The following LGALS9C variants were observed in gnomAD, a reference collection of about 807,000 sequenced individuals.
The protein encoded by LGALS9C is galectin-9C.
LGALS9C carries 7 observed loss-of-function variants against 41.3 expected under a neutral mutation model. That is an observed-to-expected ratio of 0.17 (90% CI 0.10 to 0.32). The LOEUF (loss-of-function observed/expected upper bound fraction) is 0.32, where lower values mean the gene tolerates loss of function less well. LGALS9C is among the 10% of genes least tolerant of loss of function. LGALS9C has a pLI of 1.00. For synonymous variants in LGALS9C, 44 were observed against 171.0 expected (o/e 0.26, Z 5.80); for missense variants, 102 against 455.2 (o/e 0.22, Z 7.06).
At chr17:18,479,233 G>A (rs529900897) in intron 1 of LGALS9C, among the ~76,000 whole-genome samples, 2 of 125,468 alleles carry the variant, frequency 1.6e-5, no homozygotes, top group Admixed American at 1.6e-4. Flanking sequence ...AGGAAGAAGA[G>A]GGAAAGTCCC....
rs1456801553 is a variant in LGALS9C, at chr17:18,476,844, G to A, written c.-11G>A. 6.3e-7 allele frequency: 1 copy of A among 1,587,918 alleles called. No homozygotes were observed. On this transcript the variant is annotated 5_prime_UTR_variant, in exon 1 of 11. Coordinates refer to ENST00000328114, the MANE Select transcript of LGALS9C (RefSeq NM_001040078.3). Reference sequence around the variant, plus strand: ...GTCAAAGGCAGTGGTGGCCACAGAGGCGGTGGAGAGATGGCCTTCAGCGGT... The same window carrying A: ...GTCAAAGGCAGTGGTGGCCACAGAGACGGTGGAGAGATGGCCTTCAGCGGT...
chr17:18,487,938 CTG>C (rs1442946848), intron 4 of LGALS9C, among the ~76,000 whole-genome samples, 181 bp downstream of exon 4: 1 of 138,056 alleles, frequency 7.2e-6, no homozygotes, highest in African/African-American at 2.5e-5. Flanking sequence ...GCCCCTCCTT[CTG>C]TGTCACTGTC....
chr17:18,483,253 C>T (rs1174020456), intron 1 of LGALS9C, among the ~76,000 whole-genome samples: 9 of 137,958 alleles, frequency 6.5e-5, no homozygotes, highest in South Asian at 4.8e-4. Flanking sequence ...CTCGGGGCTG[C>T]GGAGGGCATC....
Position 18,491,292 on chromosome 17 carries a change from C to G in LGALS9C, c.596C>G (p.Thr199Arg). The change falls in exon 7 of 11, where the codon ACG becomes AGG. Residue 199 changes from threonine to arginine, a missense_variant. By Grantham distance (71) the Thr-to-Arg change is moderately conservative (BLOSUM62 -1). Transcript: ENST00000328114. Reference protein sequence around the residue: ...PAPITQTVIHTVQSASGQMFS... With the variant: ...PAPITQTVIHRVQSASGQMFS... ...TTCCAGACCCAGACAGTCATCCACA[C>G]GGTGCAGAGTGCCTCTGGACAGATG... 6.7e-7 allele frequency: 1 copy of G among 1,486,774 alleles called. No homozygotes were observed. Among genetic ancestry groups the G allele is most frequent in the Non-Finnish European group, 9.2e-7 (1 of 1,083,252 alleles). 92.1% of individuals were successfully genotyped at this position (1,486,774 alleles called of 1,614,324 possible).
rs1407498192 is a variant in LGALS9C at position 18,478,555 on chromosome 17, G to T, written c.39+1662G>T. 3.1e-5 allele frequency among the ~76,000 whole-genome samples: 4 copies of T among 129,088 alleles called. 1 individual carries two copies. The highest frequency in any genetic ancestry group is 7.5e-5 in the Non-Finnish European group (4 of 53,456). 84.7% of individuals were successfully genotyped at this position (129,088 alleles called of 152,430 possible). Reference sequence around the variant, plus strand: ...CGCGGTTCATGTCCTGCTGAGGAGGGCTGAGTGCCATGAGGGCCTGGCTTG... The same window carrying T: ...CGCGGTTCATGTCCTGCTGAGGAGGTCTGAGTGCCATGAGGGCCTGGCTTG... On this transcript the variant is annotated intron_variant, in intron 1 of 10. Coordinates refer to ENST00000328114, the MANE Select transcript of LGALS9C (RefSeq NM_001040078.3).
rs766425648 is a variant in LGALS9C, at chr17:18,492,472, A to G, written c.688A>G (p.Thr230Ala). ...PHPAYPMPFI[T>A]TIPGGLYPSK... is the part of the protein sequence containing the mutation. ...CTTCTGACAGCCGATGCCTTTCATC[A>G]CCACCATTCCGGGAGGGCTGTACCC... is the stretch of plus-strand genomic sequence containing the variant. The change falls in exon 9 of 11, where the codon ACC becomes GCC. Residue 230 changes from threonine (T) to alanine (A), a missense_variant. Transcript: ENST00000328114. 2.6e-6 allele frequency: 4 copies of G among 1,542,228 alleles called. 1 individual carries two copies. Among genetic ancestry groups the G allele is most frequent in the Non-Finnish European group, 3.6e-6 (4 of 1,123,108 alleles).
At chr17:18,484,902 G>A (rs1202692202) in intron 2 of LGALS9C, among the ~76,000 whole-genome samples, 22 of 145,078 alleles carry the variant, frequency 1.5e-4, no homozygotes, top group African/African-American at 5.1e-4. Context: ...TCCTCCAACC[G>A]GGGGAATCAG....
At chr17:18,487,821 T>G in intron 4 of LGALS9C, 64 bp downstream of exon 4, 1 of 1,580,146 alleles carries the variant, frequency 6.3e-7, no homozygotes, top group Admixed American at 1.7e-5. Flanking sequence ...TAGCTGTGCT[T>G]AGGCCCAGCT....
intron 1 of LGALS9C, among the ~76,000 whole-genome samples, chr17:18,483,176 C>T (rs1471516425): frequency 4.0e-5 from 5 of 123,514 alleles, no homozygotes; most frequent in African/African-American, 8.0e-5. Context: ...TAAAGAGGCG[C>T]GGAAGAGAGA....
In LGALS9C at chr17:18,480,221, A is replaced by G. The variant is rs1229827305; in HGVS notation, c.39+3328A>G. Among the ~76,000 whole-genome samples the G allele has an allele frequency of 8.2e-5, 9 of 109,162 alleles. 1 individual carries two copies. Among genetic ancestry groups the G allele is most frequent in the Non-Finnish European group, 1.8e-4 (8 of 44,062 alleles). 71.6% of individuals were successfully genotyped at this position (109,162 alleles called of 152,430 possible). A position where few individuals can be genotyped will look rare whatever the true frequency, so the allele number is the denominator to read the frequency against. On this transcript the variant is annotated intron_variant, in intron 1 of 10. Transcript: ENST00000328114. Reference sequence around the variant, plus strand: ...GAGATCCTGTCTCAAAAAAAAAAAAAAAAAACACAACAAACAAACAAACAA... The same window carrying G: ...GAGATCCTGTCTCAAAAAAAAAAAAGAAAAACACAACAAACAAACAAACAA...
intron 1 of LGALS9C, among the ~76,000 whole-genome samples, chr17:18,478,542 C>G (rs1180363897): frequency 7.7e-6 from 1 of 129,606 alleles, no homozygotes; most frequent in African/African-American, 2.6e-5. Flanking sequence ...CGGTTCATGT[C>G]CTGCTGAGGA....
intron 1 of LGALS9C, among the ~76,000 whole-genome samples, chr17:18,478,676 G>A (rs1989291856): frequency 2.8e-5 from 2 of 71,946 alleles, no homozygotes; most frequent in Non-Finnish European, 7.1e-5. Flanking sequence ...GGCCCAGGAA[G>A]CACTGCGAGA....
In LGALS9C at chr17:18,494,553, G is replaced by C; in HGVS notation, c.*186G>C. 9.3e-7 allele frequency: 1 copy of C among 1,080,530 alleles called. No individual in the cohort carries two copies. The highest frequency in any genetic ancestry group is 1.3e-6 in the Non-Finnish European group (1 of 758,106). 66.9% of individuals were successfully genotyped at this position (1,080,530 alleles called of 1,614,324 possible). A position where few individuals can be genotyped will look rare whatever the true frequency, so the allele number is the denominator to read the frequency against. On this transcript the variant is annotated 3_prime_UTR_variant, in exon 11 of 11. Coordinates refer to ENST00000328114, the MANE Select transcript of LGALS9C (RefSeq NM_001040078.3). ...CTGGAATCGAGAAGGCAGCTGACTG[G>C]GATTGCCTTCCTCAGCCGCAGCAGC...
At chr17:18,482,507 C>CAAAAAAAAA (rs1166687895) in intron 1 of LGALS9C, among the ~76,000 whole-genome samples, 1 of 95,218 alleles carries the variant, frequency 1.1e-5, no homozygotes, top group African/African-American at 3.1e-5. Context: ...GAAAGTTTTA[C>CAAAAAAAAA]AAAAAAAAAA....
chr17:18,479,366 G>A (rs565762757), intron 1 of LGALS9C, among the ~76,000 whole-genome samples: 2 of 129,722 alleles, frequency 1.5e-5, no homozygotes, highest in East Asian at 1.9e-4. Context: ...ACATGGCATC[G>A]CACCCCGTCC....
chr17:18,479,561 C>T (rs1261070425), intron 1 of LGALS9C, among the ~76,000 whole-genome samples: 1 of 123,012 alleles, frequency 8.1e-6, no homozygotes, highest in Admixed American at 7.9e-5. Flanking sequence ...AGTGACTTGG[C>T]CAGTGTCAGA....
intron 4 of LGALS9C, 113 bp downstream of exon 4, chr17:18,487,870 G>C (rs1989659471): frequency 8.6e-6 from 12 of 1,390,796 alleles, no homozygotes; most frequent in Non-Finnish European, 1.1e-5. Context: ...GGTCACTCTG[G>C]GGACAACCTC....
intron 3 of LGALS9C, among the ~76,000 whole-genome samples, 184 bp from the exon 4 acceptor site, chr17:18,487,463 C>T (rs1400631394): frequency 2.9e-4 from 16 of 55,490 alleles, no homozygotes; most frequent in African/African-American, 7.7e-4. Flanking sequence ...ATGGAAAGCC[C>T]GACTGGAGCC....
chr17:18,481,012 T>A (rs1341620346), intron 1 of LGALS9C, among the ~76,000 whole-genome samples: 43 of 143,868 alleles, frequency 3.0e-4, no homozygotes, highest in African/African-American at 9.5e-4. Context: ...TGGTCTCAGC[T>A]GCTCGGGAGG....
Sources: gnomAD v4.1 joint callset for allele counts (sites outside exome capture counted in the v4.1 genomes callset) on GRCh38, gnomAD v4.1.1 for gene constraint, MANE v1.5 for transcripts, NCBI Gene and HGNC (gene_info 2026-07-23, HGNC 2026-07-21) for gene names.